Variants in ATP8A2 observed in about 807,000 individuals in gnomAD.
ATP8A2 encodes ATPase phospholipid transporting 8A2.
A neutral mutation model predicts 165.6 loss-of-function variants in ATP8A2; 100 were observed. The observed-to-expected ratio is 0.60, with a 90% CI of 0.51 to 0.71. The LOEUF is 0.71. Among genes scored for constraint, ATP8A2 ranks in the 30% least tolerant of loss-of-function variants. The probability of loss-of-function intolerance (pLI) is 0.00; values close to 1 mark genes in which losing one functional copy is unlikely to be tolerated. For missense variants in ATP8A2, 1,227 were observed against 1,479.5 expected (o/e 0.83, Z 2.80); for synonymous variants, 543 against 548.8 (o/e 0.99, Z 0.15).
intron 33 of ATP8A2, among the ~76,000 whole-genome samples, chr13:25,937,362 C>CTTTTTTTTTTTTTTTTTTTTTTT (rs1555293658): frequency 1.8e-4 from 7 of 38,800 alleles, no homozygotes; most frequent in African/African-American, 2.7e-4. Flanking sequence ...TTCTTTCTTT[C>CTTTTTTTTTTTTTTTTTTTTTTT]TTTTTTTTTT....
chr13:25,686,855 C>T (rs183426882), intron 24 of ATP8A2, among the ~76,000 whole-genome samples: 11 of 152,234 alleles, frequency 7.2e-5, no homozygotes, highest in South Asian at 2.1e-4. Flanking sequence ...TTTTCATCCA[C>T]GGCTCTTAAC....
chr13:25,728,906 G>A (rs537102455), intron 25 of ATP8A2, among the ~76,000 whole-genome samples: 1 of 152,330 alleles, frequency 6.6e-6, no homozygotes, highest in South Asian at 2.1e-4. Flanking sequence ...CTTGGAAAGT[G>A]ACTGTTAGTA....
At chr13:25,810,843 G>T (rs1335141490) in intron 27 of ATP8A2, among the ~76,000 whole-genome samples, 1 of 152,082 alleles carries the variant, frequency 6.6e-6, no homozygotes, top group Non-Finnish European at 1.5e-5. Context: ...TTGAGTTTTT[G>T]AATGGTTATT....
chr13:26,020,319 G>A lies in ATP8A2; in HGVS notation c.*334G>A, dbSNP rs1957064029. 3.9e-6 allele frequency: 1 copy of A among 256,518 alleles called. No individual in the cohort carries two copies. Among genetic ancestry groups the A allele is most frequent in the Admixed American group, 5.3e-5 (1 of 18,910 alleles). 15.9% of individuals were successfully genotyped at this position (256,518 alleles called of 1,614,324 possible). On this transcript the variant is annotated 3_prime_UTR_variant, in exon 37 of 37. Coordinates refer to ENST00000381655, the MANE Select transcript of ATP8A2 (RefSeq NM_016529.6). The stretch of plus-strand genomic sequence containing the variant: ...TAAACATCAGTACTAGTTGTCCTGG[G>A]AGAAAGGGAAAGGAGTTTTATGTTG...
At chr13:25,604,586 T>C (rs2040469274) in intron 24 of ATP8A2, among the ~76,000 whole-genome samples, 1 of 152,244 alleles carries the variant, frequency 6.6e-6, no homozygotes. Flanking sequence ...ATTCTTTCTT[T>C]TAACATTTCC....
At chr13:25,586,462 G>A (rs2039925014) in intron 23 of ATP8A2, among the ~76,000 whole-genome samples, 1 of 152,214 alleles carries the variant, frequency 6.6e-6, no homozygotes, top group Non-Finnish European at 1.5e-5. Flanking sequence ...GCCCAGGCGT[G>A]TGCTCCAGGG....
intron 2 of ATP8A2, among the ~76,000 whole-genome samples, chr13:25,522,028 G>A (rs1054845437): frequency 4.6e-5 from 7 of 151,256 alleles, no homozygotes; most frequent in African/African-American, 1.7e-4. Flanking sequence ...TATTTTTATA[G>A]GGATTATATT....
At chr13:25,652,585 A>T (rs2041838552) in intron 24 of ATP8A2, among the ~76,000 whole-genome samples, 1 of 152,170 alleles carries the variant, frequency 6.6e-6, no homozygotes, top group African/African-American at 2.4e-5. Context: ...GTTGTATGTG[A>T]TCATCTTTTC....
chr13:25,871,583 T>C (rs1214448267), intron 33 of ATP8A2, among the ~76,000 whole-genome samples: 2 of 152,222 alleles, frequency 1.3e-5, no homozygotes, highest in African/African-American at 2.4e-5. Flanking sequence ...CCAAGAAGTT[T>C]CTGTTTCATA....
Position 25,464,902 on chromosome 13 carries a change from G to T in ATP8A2, c.77-4075G>T, listed in dbSNP as rs549066213. Among the ~76,000 whole-genome samples the T allele has an allele frequency of 2.0e-5, 3 of 152,336 alleles. No homozygotes were observed. The East Asian group carries it at 5.8e-4, about 29-fold the overall frequency. ...GGGATAGAGCTATGAATGAGACAAAGTCTCTGCCCTCACGGCCTTGACCTT... is the reference window on the plus strand; with the variant it reads ...GGGATAGAGCTATGAATGAGACAAATTCTCTGCCCTCACGGCCTTGACCTT... On this transcript the variant is annotated intron_variant, in intron 1 of 36. Transcript: ENST00000381655.
chr13:25,770,182 G>A (rs1327353480), intron 26 of ATP8A2, among the ~76,000 whole-genome samples: 1 of 152,158 alleles, frequency 6.6e-6, no homozygotes, highest in Non-Finnish European at 1.5e-5. Context: ...TCCCAAAGCA[G>A]ACCTCCTTGC....
At chr13:25,413,916 AT>A (rs1239466203) in intron 1 of ATP8A2, among the ~76,000 whole-genome samples, 1 of 151,178 alleles carries the variant, frequency 6.6e-6, no homozygotes, top group African/African-American at 2.4e-5. Context: ...TTTTCCATGG[AT>A]TGACTGAAAA....
chr13:25,792,410 A>G (rs2045202873), intron 27 of ATP8A2, among the ~76,000 whole-genome samples: 2 of 152,204 alleles, frequency 1.3e-5, no homozygotes. Flanking sequence ...CATCAAGCCT[A>G]TCTGTGTGCT....
intron 24 of ATP8A2, among the ~76,000 whole-genome samples, chr13:25,681,688 T>C (rs1328632061): frequency 6.6e-6 from 1 of 152,190 alleles, no homozygotes; most frequent in Admixed American, 6.5e-5. Context: ...CCTTCTTAGA[T>C]ATGAGTATTT....
intron 29 of ATP8A2, among the ~76,000 whole-genome samples, chr13:25,837,741 T>C (rs74038030): frequency 0.011 from 1,608 of 152,164 alleles, 32 homozygotes; most frequent in African/African-American, 0.035. Context: ...CTTTAGCTAG[T>C]GCGTAAAATT....
intron 30 of ATP8A2, among the ~76,000 whole-genome samples, chr13:25,846,952 A>G (rs1029512443): frequency 3.3e-5 from 5 of 152,392 alleles, no homozygotes; most frequent in Middle Eastern, 6.8e-3. Context: ...GTGAAACAAT[A>G]CACTGACATT....
At chr13:25,731,126 A>AAGAGAG (rs146210880) in intron 25 of ATP8A2, among the ~76,000 whole-genome samples, 1 of 117,604 alleles carries the variant, frequency 8.5e-6, no homozygotes. Flanking sequence ...GGGAAAAGAA[A>AAGAGAG]AGAGAGAGAG....
intron 36 of ATP8A2, among the ~76,000 whole-genome samples, chr13:26,015,339 C>T (rs925599556): frequency 4.6e-5 from 7 of 152,038 alleles, no homozygotes; most frequent in Admixed American, 3.3e-4. Context: ...TTTGATGTTC[C>T]GCCTGGGTCT....
intron 27 of ATP8A2, among the ~76,000 whole-genome samples, chr13:25,804,953 A>T (rs975007588): frequency 6.6e-6 from 1 of 152,194 alleles, no homozygotes. Context: ...AATAGTTTTA[A>T]ATTATGGAGG....
Sources: allele counts gnomAD v4.1 joint callset (sites outside exome capture counted in the v4.1 genomes callset), GRCh38; gene constraint gnomAD v4.1.1; transcripts MANE v1.5; gene names NCBI Gene and HGNC (gene_info 2026-07-23, HGNC 2026-07-21).